Variants in CAPN13 observed in about 807,000 individuals in gnomAD.
CAPN13 encodes the protein calpain-13.
Under a neutral mutation model 98.4 loss-of-function variants are expected in CAPN13, and 90 were observed. The ratio of observed to expected loss-of-function variants is 0.92; its 90% CI spans 0.77 to 1.09. CAPN13 has a LOEUF of 1.09. CAPN13 is among the 50% of genes least tolerant of loss of function. CAPN13 has a pLI of 0.00. For synonymous variants in CAPN13, 330 were observed against 305.5 expected (o/e 1.08, Z -0.84); for missense variants, 887 against 841.3 (o/e 1.05, Z -0.67).
chr2:30,727,111 T>C lies in CAPN13; in HGVS notation c.*30+3619A>G, dbSNP rs531844047. Reference sequence around the variant, plus strand: ...GAGAATGAATAGTTTTTTCAGCAACTGGTGCTGGGACAAATGAATGAATGC... The same window carrying C: ...GAGAATGAATAGTTTTTTCAGCAACCGGTGCTGGGACAAATGAATGAATGC... On this transcript the variant is annotated intron_variant, in intron 22 of 22. Transcript: ENST00000295055. Among the ~76,000 whole-genome samples the C allele has an allele frequency of 5.3e-5, 8 of 152,308 alleles. No homozygotes were observed. In the South Asian group the frequency reaches 1.7e-3, roughly 32 times the overall value.
At chr2:30,796,344 C>T (rs1259108491) in intron 1 of CAPN13, among the ~76,000 whole-genome samples, 3 of 151,404 alleles carry the variant, frequency 2.0e-5, no homozygotes, top group Non-Finnish European at 4.4e-5. Flanking sequence ...TTGTATATCA[C>T]GTACTATGAC....
chr2:30,745,396 G>A (rs540028501), intron 12 of CAPN13: 23 of 536,486 alleles, frequency 4.3e-5, no homozygotes, highest in African/African-American at 3.4e-4. Flanking sequence ...ATCTTTCCAA[G>A]GTACCCCTTA....
At chr2:30,763,988 TG>T in intron 6 of CAPN13, 143 bp downstream of exon 6, 1 of 778,038 alleles carries the variant, frequency 1.3e-6, no homozygotes, top group Non-Finnish European at 2.0e-6. Flanking sequence ...CAGGGTTCAA[TG>T]GGGTGACCCG....
intron 3 of CAPN13, 120 bp from the exon 4 acceptor site, chr2:30,776,165 T>C: frequency 1.6e-6 from 1 of 608,840 alleles, no homozygotes; most frequent in East Asian, 3.0e-5. Context: ...GCATTTTTTT[T>C]TCCTCTGAGA....
chr2:30,778,815 C>T (rs1357486931), intron 2 of CAPN13, among the ~76,000 whole-genome samples: 4 of 152,178 alleles, frequency 2.6e-5, no homozygotes, highest in Admixed American at 2.6e-4. Flanking sequence ...AACTCTCAGG[C>T]CCAGGCCCTC....
At position 30,787,291 on chromosome 2, in the gene CAPN13, G is replaced by A; in HGVS notation, c.35C>T (p.Ser12Phe). ...GTCCTGGTCTTTGAACTTGATGATG[G>A]AGGTCTCCACTGAAGGCTCCTGGTA... ...AYYQEPSVETSIIKFKDQDFT... is the reference protein window; with the variant it reads ...AYYQEPSVETFIIKFKDQDFT... The change falls in exon 2 of 23, where the codon TCC becomes TTC. Residue 12 changes from serine (S) to phenylalanine (F), a missense_variant. Ser to Phe is a radical substitution (Grantham distance 155). Coordinates refer to ENST00000295055, the MANE Select transcript of CAPN13 (RefSeq NM_144575.3). The A allele has an allele frequency of 6.2e-7, 1 of 1,613,384 alleles. No homozygotes were observed. Among genetic ancestry groups the A allele is most frequent in the African/African-American group, 1.3e-5 (1 of 75,052 alleles).
At position 30,732,696 on chromosome 2, in the gene CAPN13, C is replaced by T. The variant is rs1030228453; in HGVS notation, c.1799-130G>A. On this transcript the variant is annotated intron_variant, in intron 19 of 22. Coordinates refer to ENST00000295055, the MANE Select transcript of CAPN13 (RefSeq NM_144575.3). Reference sequence around the variant, plus strand: ...CCAACTCCTCCCACTCAGCCCCCTCCCTTCAGTGTCTTCTCTTTCCTGTTG... The same window carrying T: ...CCAACTCCTCCCACTCAGCCCCCTCTCTTCAGTGTCTTCTCTTTCCTGTTG... The T allele has an allele frequency of 9.1e-6, 11 of 1,204,412 alleles. No homozygotes were observed. In the African/African-American group the frequency reaches 1.7e-4, roughly 19 times the overall value. 74.6% of individuals were successfully genotyped at this position (1,204,412 alleles called of 1,614,324 possible). A position where few individuals can be genotyped will look rare whatever the true frequency, so the allele number is the denominator to read the frequency against.
chr2:30,750,022 A>G (rs146715750), intron 11 of CAPN13, among the ~76,000 whole-genome samples: 1 of 152,240 alleles, frequency 6.6e-6, no homozygotes, highest in African/African-American at 2.4e-5. Context: ...TGTGCATTGC[A>G]GCACTGTTCA....
intron 1 of CAPN13, among the ~76,000 whole-genome samples, chr2:30,799,977 G>A (rs1675100504): frequency 6.6e-6 from 1 of 152,022 alleles, no homozygotes; most frequent in Non-Finnish European, 1.5e-5. Context: ...GGGAGACTGA[G>A]GCAGGAGAAT....
chr2:30,785,149 T>A (rs1674204175), intron 2 of CAPN13, among the ~76,000 whole-genome samples: 1 of 152,226 alleles, frequency 6.6e-6, no homozygotes, highest in Non-Finnish European at 1.5e-5. Context: ...CTCATGTACT[T>A]GTTCATCCAA....
intron 1 of CAPN13, among the ~76,000 whole-genome samples, chr2:30,806,822 A>G (rs190622101): frequency 6.6e-6 from 1 of 152,210 alleles, no homozygotes; most frequent in African/African-American, 2.4e-5. Context: ...CTTCATTCCT[A>G]TAACTAATAA....
rs1674849193 is a variant in CAPN13, at chr2:30,796,147, T to C, written c.-32-8790A>G. On this transcript the variant is annotated intron_variant, in intron 1 of 22. Coordinates refer to ENST00000295055, the MANE Select transcript of CAPN13 (RefSeq NM_144575.3). ...AGAATTACATATATATATGTGTGTA[T>C]ATATATATATACATATATATGTGTG... 2.9e-5 allele frequency among the ~76,000 whole-genome samples: 4 copies of C among 139,568 alleles called. No homozygotes were observed. The South Asian group carries it at 8.4e-4, about 29-fold the overall frequency. 91.6% of individuals were successfully genotyped at this position (139,568 alleles called of 152,430 possible). A position where few individuals can be genotyped will look rare whatever the true frequency, so the allele number is the denominator to read the frequency against.
At chr2:30,758,788 T>TCCC (rs368811690) in intron 7 of CAPN13, among the ~76,000 whole-genome samples, 1 of 41,936 alleles carries the variant, frequency 2.4e-5, no homozygotes, top group Non-Finnish European at 4.3e-5. Context: ...CTCCCTCCCT[T>TCCC]TCCTTTCCTT....
chr2:30,732,111 C>G (rs774457831), intron 20 of CAPN13, among the ~76,000 whole-genome samples: 3 of 152,174 alleles, frequency 2.0e-5, no homozygotes, highest in Non-Finnish European at 4.4e-5. Flanking sequence ...CAGCAAAGAC[C>G]AAAATCCTTC....
intron 7 of CAPN13, among the ~76,000 whole-genome samples, chr2:30,758,435 T>C (rs977423559): frequency 1.3e-5 from 2 of 152,230 alleles, no homozygotes; most frequent in African/African-American, 4.8e-5. Context: ...TGAGATTTAA[T>C]AGCAGATAAA....
intron 1 of CAPN13, among the ~76,000 whole-genome samples, chr2:30,798,817 A>C (rs1675023248): frequency 6.6e-6 from 1 of 152,180 alleles, no homozygotes. Flanking sequence ...ACCCATTACT[A>C]ATTCCACAAC....
chr2:30,738,021 C>A, intron 17 of CAPN13: 2 of 590,512 alleles, frequency 3.4e-6, no homozygotes, highest in Non-Finnish European at 6.3e-6. Flanking sequence ...GTACACTGAT[C>A]AGCACATAGT....
At chr2:30,800,954 AT>A in intron 1 of CAPN13, among the ~76,000 whole-genome samples, 1 of 152,310 alleles carries the variant, frequency 6.6e-6, no homozygotes, top group East Asian at 1.9e-4. Context: ...ATTTCCCAGC[AT>A]GGTTTTTTTC....
rs111304060 is a variant in CAPN13, at chr2:30,799,206, G to A, written c.-33+8096C>T. Among the ~76,000 whole-genome samples the A allele has an allele frequency of 8.5e-3, 1,295 of 152,284 alleles. 14 individuals carry two copies. Among genetic ancestry groups the A allele is most frequent in the African/African-American group, 0.028 (1,173 of 41,554 alleles). On this transcript the variant is annotated intron_variant, in intron 1 of 22. Transcript: ENST00000295055. ...GGAGGAAGAGAGAGTGGGTGGGAGA[G>A]AGAGGGAAGAAGACAGAAAATTTTG...
Sources: allele counts gnomAD v4.1 joint callset (sites outside exome capture counted in the v4.1 genomes callset), GRCh38; gene constraint gnomAD v4.1.1; transcripts MANE v1.5; gene names NCBI Gene and HGNC (gene_info 2026-07-23, HGNC 2026-07-21).